Variants in MOXD1 observed in about 807,000 individuals in gnomAD.
MOXD1 encodes the protein DBH-like monooxygenase protein 1.
Under a neutral mutation model 66.6 loss-of-function variants are expected in MOXD1, and 62 were observed. The observed-to-expected ratio is 0.93, with a 90% CI of 0.76 to 1.15. The LOEUF is 1.15. MOXD1 is among the 50% of genes most tolerant of loss of function. The pLI, the probability that MOXD1 is intolerant of heterozygous loss-of-function variation, is 0.00. For missense variants in MOXD1, 847 were observed against 754.6 expected, an observed-to-expected ratio of 1.12 and a Z score of -1.44; for synonymous variants, 303 against 281.9, an observed-to-expected ratio of 1.07 and a Z score of -0.75.
chr6:132,396,343 G>A (rs537119280), intron 1 of MOXD1, among the ~76,000 whole-genome samples: 5 of 151,918 alleles, frequency 3.3e-5, no homozygotes, highest in Non-Finnish European at 5.9e-5. Flanking sequence ...AAATAAAATG[G>A]AAACATAACA....
chr6:132,343,990 CT>C (rs1435980935), intron 4 of MOXD1, among the ~76,000 whole-genome samples: 3 of 151,980 alleles, frequency 2.0e-5, no homozygotes, highest in African/African-American at 7.2e-5. Context: ...GAAGTTTTTT[CT>C]ATATCTATTA....
intron 1 of MOXD1, among the ~76,000 whole-genome samples, chr6:132,382,920 T>C (rs921655405): frequency 9.9e-5 from 15 of 152,180 alleles, no homozygotes; most frequent in African/African-American, 3.6e-4. Context: ...TGTCAGTCTA[T>C]TTTTCTCTCA....
In MOXD1 at chr6:132,326,332, T is replaced by C. The variant is rs1025106291; in HGVS notation, c.946+1681A>G. On this transcript the variant is annotated intron_variant, in intron 6 of 11. Transcript: ENST00000367963. ...GTTCTCTATTAACCTGTTAGGAAAA[T>C]AAGCTTATGTTTCATTTTTACATTG... 4.4e-4 allele frequency among the ~76,000 whole-genome samples: 67 copies of C among 151,730 alleles called. 1 individual carries two copies. The highest frequency in any genetic ancestry group is 1.3e-4 in the Admixed American group (2 of 15,252).
At chr6:132,339,797 C>T (rs1248015518) in intron 4 of MOXD1, among the ~76,000 whole-genome samples, 1 of 151,848 alleles carries the variant, frequency 6.6e-6, no homozygotes, top group East Asian at 1.9e-4. Context: ...ATTTCTCTAC[C>T]ATGAGGCAAA....
At chr6:132,315,556 G>A (rs541754070) in intron 10 of MOXD1, 79 bp downstream of exon 10, 5 of 1,436,352 alleles carry the variant, frequency 3.5e-6, no homozygotes, top group African/African-American at 2.9e-5. Context: ...CTATAATGTG[G>A]TAATGGATCC....
Position 132,376,501 on chromosome 6 carries a change from C to CTTTTTT in MOXD1, c.265-1730_265-1725dup, listed in dbSNP as rs1166086289. Among the ~76,000 whole-genome samples the CTTTTTT allele has an allele frequency of 3.4e-4, 22 of 65,360 alleles. 1 individual carries two copies. Among genetic ancestry groups the CTTTTTT allele is most frequent in the South Asian group, 1.0e-3 (2 of 1,962 alleles). 42.9% of individuals were successfully genotyped at this position (65,360 alleles called of 152,430 possible). ...ACAATGGTAACAATAACTACAGCTT[C>CTTTTTT]TTTTTTTTTTTTTTTTTTTTTTTTT... On this transcript the variant is annotated intron_variant, in intron 1 of 11. Coordinates refer to ENST00000367963, the MANE Select transcript of MOXD1 (RefSeq NM_015529.4).
rs143028372 is a variant in MOXD1 at position 132,297,102 on chromosome 6, A to G, written c.*51T>C. On this transcript the variant is annotated 3_prime_UTR_variant, in exon 12 of 12. Coordinates refer to ENST00000367963, the MANE Select transcript of MOXD1 (RefSeq NM_015529.4). ...GACACAGTCTTTAACCTGTACTTCA[A>G]ATGACAGGTTCAGATCATAGAAAAC... 2.7e-3 allele frequency: 4,241 copies of G among 1,581,556 alleles called. 38 individuals are homozygous for G. Among genetic ancestry groups the G allele is most frequent in the African/African-American group, 0.021 (1,576 of 73,952 alleles).
At chr6:132,298,229 C>T (rs1394437385) in intron 10 of MOXD1, among the ~76,000 whole-genome samples, 1 of 151,844 alleles carries the variant, frequency 6.6e-6, no homozygotes, top group African/African-American at 2.4e-5. Context: ...CTATGTTGCC[C>T]AGGTTGGTCT....
At chr6:132,328,352 C>A in intron 5 of MOXD1, 63 bp downstream of exon 5, 1 of 1,575,092 alleles carries the variant, frequency 6.3e-7, no homozygotes. Context: ...TAATTAGAAT[C>A]ATATTTGTGG....
At chr6:132,345,983 A>G (rs1775661850) in intron 4 of MOXD1, among the ~76,000 whole-genome samples, 1 of 151,258 alleles carries the variant, frequency 6.6e-6, no homozygotes, top group African/African-American at 2.4e-5. Flanking sequence ...GTTTCTCTGG[A>G]TTACATTTTG....
chr6:132,341,701 C>T lies in MOXD1; in HGVS notation c.664-13107G>A, dbSNP rs144311603. On this transcript the variant is annotated intron_variant, in intron 4 of 11. Transcript: ENST00000367963. ...TGCACTATGTTCATTCTTACACTTA[C>T]GATTTCATTCGTGCTGTTTTCCCCA... is the stretch of plus-strand genomic sequence containing the variant. Among the ~76,000 whole-genome samples the T allele has an allele frequency of 2.8e-3, 434 of 152,298 alleles. 3 individuals are homozygous for T. The highest frequency in any genetic ancestry group is 9.7e-3 in the African/African-American group (404 of 41,564).
intron 4 of MOXD1, among the ~76,000 whole-genome samples, chr6:132,368,973 C>G (rs1776200971): frequency 6.6e-6 from 1 of 151,994 alleles, no homozygotes; most frequent in Non-Finnish European, 1.5e-5. Flanking sequence ...ACAATTATAA[C>G]AATATGCTGT....
intron 1 of MOXD1, among the ~76,000 whole-genome samples, chr6:132,394,637 A>T (rs538490035): frequency 1.3e-5 from 2 of 152,296 alleles, no homozygotes; most frequent in Admixed American, 6.5e-5. Flanking sequence ...AAGAGACCAA[A>T]CAGAAATTCT....
chr6:132,384,779 G>T (rs920318218), intron 1 of MOXD1, among the ~76,000 whole-genome samples: 1 of 152,212 alleles, frequency 6.6e-6, no homozygotes, highest in South Asian at 2.1e-4. Context: ...TGCCCAAAGA[G>T]GTCCCTGAGG....
intron 10 of MOXD1, among the ~76,000 whole-genome samples, chr6:132,298,577 C>T (rs1417455160): frequency 6.6e-6 from 1 of 151,884 alleles, no homozygotes. Flanking sequence ...AAGACAAATA[C>T]AACAAAAAAT....
chr6:132,318,538 CTTATGGACTTTGT>C (rs1425990113), intron 9 of MOXD1, among the ~76,000 whole-genome samples: 1 of 151,982 alleles, frequency 6.6e-6, no homozygotes, highest in Admixed American at 6.6e-5. Context: ...CTGTTACTGA[CTTATGGACTTTGT>C]TTTATAAGCT....
chr6:132,298,759 A>C (rs1283040032), intron 10 of MOXD1, among the ~76,000 whole-genome samples: 1 of 151,728 alleles, frequency 6.6e-6, no homozygotes, highest in Admixed American at 6.6e-5. Flanking sequence ...TAAAATGCAA[A>C]AAAAAACAAC....
chr6:132,376,777 T>A (rs1776388508), intron 1 of MOXD1, among the ~76,000 whole-genome samples: 1 of 60,776 alleles, frequency 1.6e-5, no homozygotes, highest in Non-Finnish European at 2.4e-5. Flanking sequence ...CCTCCCAAAG[T>A]GCTGGGATTA....
rs149950997 is a variant in MOXD1 at position 132,342,469 on chromosome 6, G to A, written c.664-13875C>T. Among the ~76,000 whole-genome samples the A allele has an allele frequency of 5.6e-3, 859 of 152,280 alleles. 10 individuals are homozygous for A. Among genetic ancestry groups the A allele is most frequent in the African/African-American group, 0.019 (806 of 41,548 alleles). On this transcript the variant is annotated intron_variant, in intron 4 of 11. Coordinates refer to ENST00000367963, the MANE Select transcript of MOXD1 (RefSeq NM_015529.4). ...TGCAAATTTTTTCTCCTTAGTTGGAGTAACAGTTCATTGTTTTACTACTTG... is the reference window on the plus strand; with the variant it reads ...TGCAAATTTTTTCTCCTTAGTTGGAATAACAGTTCATTGTTTTACTACTTG...
Sources: allele counts gnomAD v4.1 joint callset (sites outside exome capture counted in the v4.1 genomes callset), GRCh38; gene constraint gnomAD v4.1.1; transcripts MANE v1.5; gene names NCBI Gene and HGNC (gene_info 2026-07-23, HGNC 2026-07-21).